HIVEP3: variants seen among roughly 807,000 people sequenced by gnomAD.
The protein encoded by HIVEP3 is transcription factor HIVEP3.
In HIVEP3, 49 loss-of-function variants were observed where a neutral mutation model predicts 152.8. That is an observed-to-expected ratio of 0.32 (90% CI 0.26 to 0.41). The LOEUF (loss-of-function observed/expected upper bound fraction) is 0.41, where lower values mean the gene tolerates loss of function less well. Among genes scored for constraint, HIVEP3 ranks in the 10% least tolerant of loss-of-function variants. HIVEP3 has a pLI of 1.00. For synonymous variants in HIVEP3, 1,269 were observed against 1,289.0 expected, an observed-to-expected ratio of 0.98 and a Z score of 0.33; for missense variants, 2,790 against 3,103.3, an observed-to-expected ratio of 0.90 and a Z score of 2.40.
intron 1 of HIVEP3, among the ~76,000 whole-genome samples, chr1:41,764,929 T>C (rs936250574): frequency 1.3e-5 from 2 of 152,184 alleles, no homozygotes; most frequent in African/African-American, 2.4e-5. Context: ...CTCAGGGCCA[T>C]CATCACAGGT....
chr1:41,687,782 A>G (rs1036477421), intron 2 of HIVEP3, among the ~76,000 whole-genome samples: 2 of 152,234 alleles, frequency 1.3e-5, no homozygotes, highest in African/African-American at 2.4e-5. Flanking sequence ...AACAATTCCC[A>G]TATCTGTCAG....
At position 41,601,962 on chromosome 1, in the gene HIVEP3, A is replaced by G. The variant is rs534937398; in HGVS notation, c.-521-16644T>C. Among the ~76,000 whole-genome samples the G allele has an allele frequency of 1.6e-4, 25 of 152,244 alleles. No individual in the cohort carries two copies. The South Asian group carries it at 5.0e-3, about 30-fold the overall frequency. On this transcript the variant is annotated intron_variant, in intron 3 of 8. Coordinates refer to ENST00000372583, the MANE Select transcript of HIVEP3 (RefSeq NM_024503.5). ...AACTTTGATCAAAAAGGGTGTGTTGAATTTTGTCAAATGCCTTTTCTGCAT... is the reference window on the plus strand; with the variant it reads ...AACTTTGATCAAAAAGGGTGTGTTGGATTTTGTCAAATGCCTTTTCTGCAT...
At chr1:41,550,842 C>T (rs562591618) in intron 5 of HIVEP3, among the ~76,000 whole-genome samples, 1 of 152,190 alleles carries the variant, frequency 6.6e-6, no homozygotes, top group Non-Finnish European at 1.5e-5. Flanking sequence ...TTGACTTCCT[C>T]TTTTTCTAAT....
intron 7 of HIVEP3, 32 bp from the exon 8 acceptor site, chr1:41,513,782 A>G: frequency 6.6e-7 from 1 of 1,509,618 alleles, no homozygotes; most frequent in South Asian, 1.4e-5. Context: ...CCAAGGTCAC[A>G]GTTGGGCCTT....
chr1:41,596,129 C>T (rs184854517), intron 3 of HIVEP3, among the ~76,000 whole-genome samples: 51 of 152,248 alleles, frequency 3.3e-4, no homozygotes, highest in African/African-American at 1.1e-3. Context: ...TGTTTCCACA[C>T]GTCCCCTCCT....
At chr1:41,900,837 T>TG (rs1644609177) in intron 1 of HIVEP3, among the ~76,000 whole-genome samples, 1 of 151,572 alleles carries the variant, frequency 6.6e-6, no homozygotes, top group South Asian at 2.1e-4. Context: ...TGGCCGGAGG[T>TG]GAGGCTGGAG....
intron 1 of HIVEP3, among the ~76,000 whole-genome samples, chr1:41,701,488 A>G (rs1382094085): frequency 1.3e-5 from 2 of 152,220 alleles, no homozygotes; most frequent in Admixed American, 1.3e-4. Context: ...AGGCGTGTGT[A>G]GACCCAGGAC....
intron 1 of HIVEP3, among the ~76,000 whole-genome samples, chr1:41,994,063 G>C (rs1645380586): frequency 6.6e-6 from 1 of 151,252 alleles, no homozygotes; most frequent in East Asian, 1.9e-4. Flanking sequence ...TGACGAGTTA[G>C]TGGGTGCAGT....
At chr1:41,726,647 A>G (rs975305030) in intron 1 of HIVEP3, among the ~76,000 whole-genome samples, 9 of 152,198 alleles carry the variant, frequency 5.9e-5, no homozygotes, top group Admixed American at 2.6e-4. Context: ...GAGCAGAAGG[A>G]TTTGGGGCAA....
chr1:41,651,787 C>T (rs1005982168), intron 2 of HIVEP3, among the ~76,000 whole-genome samples: 1 of 152,158 alleles, frequency 6.6e-6, no homozygotes, highest in Admixed American at 6.5e-5. Context: ...AATTTTTTTA[C>T]ATTTTGCCAC....
chr1:41,687,817 C>T (rs1312870755), intron 2 of HIVEP3, among the ~76,000 whole-genome samples: 1 of 152,222 alleles, frequency 6.6e-6, no homozygotes, highest in African/African-American at 2.4e-5. Context: ...TTTTGGGTCA[C>T]TGGCTCCTTT....
chr1:41,572,350 G>A (rs937408909), intron 5 of HIVEP3, among the ~76,000 whole-genome samples: 3 of 152,164 alleles, frequency 2.0e-5, no homozygotes, highest in African/African-American at 7.2e-5. Flanking sequence ...ATCAGGTATG[G>A]GAGCTGCCAT....
chr1:41,674,068 C>G (rs538631056), intron 2 of HIVEP3, among the ~76,000 whole-genome samples: 1 of 152,240 alleles, frequency 6.6e-6, no homozygotes, highest in Non-Finnish European at 1.5e-5. Context: ...TGGCTGGGGC[C>G]GACCTCCCCA....
At chr1:41,528,938 C>T (rs567994822) in intron 5 of HIVEP3, among the ~76,000 whole-genome samples, 11 of 144,712 alleles carry the variant, frequency 7.6e-5, no homozygotes, top group Non-Finnish European at 1.4e-4. Context: ...CGCCCTCACA[C>T]TCACCTTCAT....
intron 1 of HIVEP3, among the ~76,000 whole-genome samples, chr1:41,835,139 A>G (rs933162561): frequency 1.3e-5 from 2 of 152,270 alleles, no homozygotes; most frequent in Non-Finnish European, 2.9e-5. Flanking sequence ...AGTACATTAA[A>G]GAAACCCTAA....
At chr1:41,829,800 TAA>T (rs895158648) in intron 1 of HIVEP3, among the ~76,000 whole-genome samples, 3 of 144,672 alleles carry the variant, frequency 2.1e-5, no homozygotes, top group Non-Finnish European at 3.0e-5. Context: ...TGTTCCCAGT[TAA>T]AAAAAAAAAG....
At chr1:41,851,725 T>A (rs1025027665) in intron 1 of HIVEP3, among the ~76,000 whole-genome samples, 1 of 152,244 alleles carries the variant, frequency 6.6e-6, no homozygotes, top group African/African-American at 2.4e-5. Flanking sequence ...GAGAAAAACG[T>A]GCCCTTAGGC....
intron 1 of HIVEP3, among the ~76,000 whole-genome samples, chr1:41,820,529 A>G (rs1291079849): frequency 6.6e-6 from 1 of 152,264 alleles, no homozygotes; most frequent in Non-Finnish European, 1.5e-5. Context: ...TTTAAAAAAT[A>G]TCCTTAATGT....
intron 1 of HIVEP3, among the ~76,000 whole-genome samples, chr1:41,824,504 T>C (rs969018237): frequency 1.3e-5 from 2 of 151,980 alleles, no homozygotes; most frequent in African/African-American, 4.8e-5. Flanking sequence ...CCTGGCATTT[T>C]TCCTTGTGAC....
Sources: gnomAD v4.1 joint callset for allele counts (sites outside exome capture counted in the v4.1 genomes callset) on GRCh38, gnomAD v4.1.1 for gene constraint, MANE v1.5 for transcripts, NCBI Gene and HGNC (gene_info 2026-07-23, HGNC 2026-07-21) for gene names.